SLC25A12: variants seen among roughly 807,000 people sequenced by gnomAD.
SLC25A12 encodes solute carrier family 25 member 12.
A neutral mutation model predicts 83.3 loss-of-function variants in SLC25A12; 32 were observed. That is an observed-to-expected ratio of 0.38 (90% confidence interval 0.29 to 0.52). The LOEUF (loss-of-function observed/expected upper bound fraction) is 0.52. SLC25A12 is among the 20% of genes least tolerant of loss of function. SLC25A12 has a pLI of 0.84. For synonymous variants in SLC25A12, 267 were observed against 291.1 expected (o/e 0.92, Z 0.84); for missense variants, 611 against 835.6 (o/e 0.73, Z 3.31).
chr2:171,801,484 G>C (rs1683707060), intron 13 of SLC25A12, among the ~76,000 whole-genome samples: 1 of 152,068 alleles, frequency 6.6e-6, no homozygotes, highest in Non-Finnish European at 1.5e-5. Flanking sequence ...AATTATATTT[G>C]TGTCTTCGAA....
chr2:171,849,729 TG>T (rs1187696332), intron 4 of SLC25A12, among the ~76,000 whole-genome samples: 1 of 152,020 alleles, frequency 6.6e-6, no homozygotes, highest in African/African-American at 2.4e-5. Flanking sequence ...CTAATTTTTT[TG>T]TATTTTTAGT....
intron 2 of SLC25A12, chr2:171,871,572 G>A (rs560144819): frequency 4.4e-4 from 89 of 202,872 alleles, no homozygotes; most frequent in Middle Eastern, 2.6e-3. Flanking sequence ...CACCTGCCTC[G>A]GCCTCCCAAA....
Position 171,813,353 on chromosome 2 carries a change from A to G in SLC25A12, c.1157T>C (p.Phe386Ser), listed in dbSNP as rs375107479. The stretch of plus-strand genomic sequence containing the variant: ...TGCTTACTCACCCCTGTAGAGTCCA[A>G]AGAAGCCCTCATAACGCAAGACTTT... Reference protein sequence around the residue: ...FKKVLRYEGFFGLYRGLIPQL... With the variant: ...FKKVLRYEGFSGLYRGLIPQL... Residue 386 changes from phenylalanine to serine, a missense_variant, in exon 11 of 18, where the codon TTT (phenylalanine) becomes TCT (serine). Phe to Ser is a radical substitution (Grantham distance 155). This residue lies in a region of SLC25A12 where 540 missense variants were observed against 777.5 expected (regional missense o/e 0.69). Transcript: ENST00000422440. 8 of 1,613,950 alleles carry G rather than the reference A, an allele frequency of 5.0e-6. No individual in the cohort carries two copies. The highest frequency in any genetic ancestry group is 1.3e-5 in the African/African-American group (1 of 74,928).
intron 4 of SLC25A12, among the ~76,000 whole-genome samples, chr2:171,853,506 C>A (rs964973552): frequency 6.6e-6 from 1 of 152,160 alleles, no homozygotes; most frequent in Admixed American, 6.5e-5. Flanking sequence ...ATGGGCGAAG[C>A]CCCGTCTCTA....
chr2:171,885,118 C>T (rs1354276858), intron 2 of SLC25A12, among the ~76,000 whole-genome samples: 2 of 147,188 alleles, frequency 1.4e-5, no homozygotes, highest in African/African-American at 5.0e-5. Flanking sequence ...GAGGCTGAGG[C>T]AGGAGAATGG....
At chr2:171,883,801 A>C (rs1395992359) in intron 2 of SLC25A12, among the ~76,000 whole-genome samples, 1 of 152,030 alleles carries the variant, frequency 6.6e-6, no homozygotes, top group Non-Finnish European at 1.5e-5. Flanking sequence ...CCTTCTCATT[A>C]TTCTGTTTAC....
At chr2:171,859,285 T>C (rs1685103444) in intron 3 of SLC25A12, among the ~76,000 whole-genome samples, 1 of 152,056 alleles carries the variant, frequency 6.6e-6, no homozygotes. Flanking sequence ...ATCATGAAAA[T>C]ACACAAAAGC....
intron 5 of SLC25A12, 128 bp from the exon 6 acceptor site, chr2:171,837,395 C>A: frequency 1.0e-6 from 1 of 988,524 alleles, no homozygotes; most frequent in Admixed American, 2.1e-5. Flanking sequence ...ATGCACAGAT[C>A]TGAATTTGCA....
chr2:171,801,526 T>C (rs950795177), intron 13 of SLC25A12, among the ~76,000 whole-genome samples: 2 of 152,222 alleles, frequency 1.3e-5, no homozygotes, highest in Non-Finnish European at 2.9e-5. Context: ...AAATATTATA[T>C]ATAAACACAT....
At chr2:171,849,558 CTTTTTTTTT>C in intron 4 of SLC25A12, among the ~76,000 whole-genome samples, 1 of 114,566 alleles carries the variant, frequency 8.7e-6, no homozygotes, top group East Asian at 2.4e-4. Context: ...GTGGTGTGAT[CTTTTTTTTT>C]TTTTTTTTTT....
chr2:171,810,205 C>A lies in SLC25A12; in HGVS notation c.1224+19G>T. 1 of 1,604,604 alleles carries A rather than the reference C, an allele frequency of 6.2e-7. No individual in the cohort carries two copies. The highest frequency in any genetic ancestry group is 8.5e-7 in the Non-Finnish European group (1 of 1,171,440). ...GTAATCTAAACAAATGACATAAATT[C>A]AGTTAGAGATAAACTTACAGTCAGT... On this transcript the variant is annotated intron_variant, in intron 12 of 17. Transcript: ENST00000422440.
At chr2:171,809,824 G>C (rs1683913076) in intron 12 of SLC25A12, 138 bp from the exon 13 acceptor site, 2 of 737,998 alleles carry the variant, frequency 2.7e-6, no homozygotes, top group Non-Finnish European at 4.9e-6. Flanking sequence ...TAAAATTAAA[G>C]TTGTACAAAT....
chr2:171,863,044 C>T (rs952192135), intron 3 of SLC25A12, among the ~76,000 whole-genome samples: 10 of 152,098 alleles, frequency 6.6e-5, no homozygotes, highest in African/African-American at 2.4e-4. Flanking sequence ...AGGCTATAGG[C>T]ACACACCATC....
chr2:171,788,157 G>A, intron 15 of SLC25A12: 10 of 528,494 alleles, frequency 1.9e-5, no homozygotes, highest in Middle Eastern at 5.1e-4. Flanking sequence ...ATTTTTTCCT[G>A]AATTAAAAAA....
At chr2:171,830,753 T>C (rs1473271250) in intron 8 of SLC25A12, among the ~76,000 whole-genome samples, 1 of 152,176 alleles carries the variant, frequency 6.6e-6, no homozygotes, top group Non-Finnish European at 1.5e-5. Flanking sequence ...GACCTCATGA[T>C]CCGCCCACCT....
At position 171,819,456 on chromosome 2, in the gene SLC25A12, T is replaced by TTATA. The variant is rs72309128; in HGVS notation, c.931-4258_931-4255dup. Among the ~76,000 whole-genome samples the TTATA allele has an allele frequency of 1.3e-4, 16 of 126,212 alleles. 1 individual carries two copies. In the South Asian group the frequency reaches 1.3e-3, roughly 11 times the overall value. The allele number at this position is 126,212 out of a possible 152,430, so 82.8% of individuals were successfully genotyped here. On this transcript the variant is annotated intron_variant, in intron 9 of 17. Coordinates refer to ENST00000422440, the MANE Select transcript of SLC25A12 (RefSeq NM_003705.5). ...AATAATATATAATATATAATACTTA[T>TTATA]TATATATTATATATATTAATATATA... is the stretch of plus-strand genomic sequence containing the variant.
intron 2 of SLC25A12, among the ~76,000 whole-genome samples, chr2:171,875,799 G>A (rs916996334): frequency 1.3e-5 from 2 of 151,508 alleles, no homozygotes; most frequent in African/African-American, 4.9e-5. Context: ...TGTAGTCCCC[G>A]CTACTCGGGA....
chr2:171,814,387 G>A (rs1684004538), intron 10 of SLC25A12, among the ~76,000 whole-genome samples: 1 of 151,910 alleles, frequency 6.6e-6, no homozygotes, highest in South Asian at 2.1e-4. Context: ...CAAGCGATAA[G>A]GGAAAGGAAA....
At chr2:171,820,744 A>G (rs1294461043) in intron 9 of SLC25A12, among the ~76,000 whole-genome samples, 27 of 133,944 alleles carry the variant, frequency 2.0e-4, no homozygotes, top group Admixed American at 1.9e-3. Context: ...AAAAAAAAAA[A>G]GAAAAAGAGA....
Sources: gnomAD v4.1 joint callset for allele counts (sites outside exome capture counted in the v4.1 genomes callset) on GRCh38, gnomAD v4.1.1 for gene constraint, gnomAD v4.1.1 regional missense constraint, MANE v1.5 for transcripts, NCBI Gene and HGNC (gene_info 2026-07-23, HGNC 2026-07-21) for gene names.